Variants in PIP5K1A observed in about 807,000 individuals in gnomAD.
PIP5K1A encodes phosphatidylinositol-4-phosphate 5-kinase type 1 alpha, also known as phosphatidylinositol 4-phosphate 5-kinase type-1 alpha.
Under a neutral mutation model 72.9 loss-of-function variants are expected in PIP5K1A, and 46 were observed. The ratio of observed to expected loss-of-function variants is 0.63; its 90% CI spans 0.50 to 0.81. The LOEUF is 0.81. Ranked by LOEUF, PIP5K1A falls within the 30% of genes least tolerant of loss-of-function variation. The probability of loss-of-function intolerance (pLI) is 0.00; values close to 1 mark genes in which losing one functional copy is unlikely to be tolerated. For synonymous variants in PIP5K1A, 228 were observed against 255.1 expected (o/e 0.89, Z 1.01); for missense variants, 458 against 706.1 (o/e 0.65, Z 3.98).
chr1:151,227,696 A>G (rs966023412), intron 4 of PIP5K1A, among the ~76,000 whole-genome samples: 2 of 152,204 alleles, frequency 1.3e-5, no homozygotes, highest in South Asian at 2.1e-4. Flanking sequence ...TTCAAGACCA[A>G]CCTGGCCAAC....
chr1:151,234,463 C>G lies in PIP5K1A; in HGVS notation c.906C>G (p.Asn302Lys). ...DGLFLDADMY[N>K]ALCKTLQRDC... ...TTTTTTTGGATGCTGACATGTACAA[C>G]GCTCTCTGTAAGACCCTGCAGCGTG... The change falls in exon 8 of 16, where the codon AAC becomes AAG. Residue 302 changes from asparagine to lysine, a missense_variant. Asn to Lys is a moderately conservative substitution (Grantham distance 94). This residue lies in a region of PIP5K1A where 220 missense variants were observed against 442.6 expected (regional missense o/e 0.50). Coordinates refer to ENST00000368888, the MANE Select transcript of PIP5K1A (RefSeq NM_001135638.2). The G allele has an allele frequency of 1.2e-6, 2 of 1,614,050 alleles. No individual in the cohort carries two copies. Among genetic ancestry groups the G allele is most frequent in the East Asian group, 2.2e-5 (1 of 44,892 alleles).
In PIP5K1A at chr1:151,220,781, G is replaced by C. The variant is rs1688303146; in HGVS notation, c.86-3464G>C. Among the ~76,000 whole-genome samples the C allele has an allele frequency of 2.0e-5, 3 of 152,124 alleles. No individual in the cohort carries two copies. The South Asian group carries it at 6.2e-4, about 32-fold the overall frequency. ...TTTACCTGGCCTATCACCTAGCTTT[G>C]ATAACAGCATTTTGCCAATCTTGCA... is the stretch of plus-strand genomic sequence containing the variant. On this transcript the variant is annotated intron_variant, in intron 1 of 15. Transcript: ENST00000368888.
At chr1:151,238,054 G>T in intron 9 of PIP5K1A, 128 bp from the exon 10 acceptor site, 3 of 610,540 alleles carry the variant, frequency 4.9e-6, no homozygotes, top group Non-Finnish European at 8.9e-6. Flanking sequence ...TTGTTTTCTT[G>T]ATCACTTATT....
At chr1:151,212,598 C>T (rs587699112) in intron 1 of PIP5K1A, among the ~76,000 whole-genome samples, 3 of 151,048 alleles carry the variant, frequency 2.0e-5, no homozygotes, top group East Asian at 3.9e-4. Context: ...TTTTTTGAGA[C>T]GGAGTCTCGC....
At chr1:151,198,545 G>C (rs894579689), upstream of PIP5K1A, 3 of 199,372 alleles carry the variant, frequency 1.5e-5, no homozygotes, top group African/African-American at 4.7e-5. Context: ...CGCATGCGCA[G>C]TGCTCGGATT....
chr1:151,240,080 T>G (rs1691475771), intron 12 of PIP5K1A, 41 bp downstream of exon 12: 1 of 1,414,042 alleles, frequency 7.1e-7, no homozygotes, highest in Non-Finnish European at 1.0e-6. Flanking sequence ...TCCTGCCCAG[T>G]GGCTCCCTTA....
intron 1 of PIP5K1A, among the ~76,000 whole-genome samples, chr1:151,210,857 G>T (rs1686702566): frequency 6.6e-6 from 1 of 152,142 alleles, no homozygotes; most frequent in Non-Finnish European, 1.5e-5. Context: ...AAAGTGCTGG[G>T]ATTACAGTCA....
chr1:151,231,922 C>A, intron 5 of PIP5K1A, 121 bp downstream of exon 5: 1 of 897,694 alleles, frequency 1.1e-6, no homozygotes, highest in Non-Finnish European at 1.8e-6. Context: ...AACCTGGTTA[C>A]AATCAGGGCG....
chr1:151,220,260 T>G (rs1405611817), intron 1 of PIP5K1A, among the ~76,000 whole-genome samples: 1 of 152,044 alleles, frequency 6.6e-6, no homozygotes, highest in East Asian at 1.9e-4. Context: ...CACCTTGGCC[T>G]CCCCAAGTGC....
chr1:151,204,187 T>TA (rs1685606636), intron 1 of PIP5K1A, among the ~76,000 whole-genome samples: 1 of 152,134 alleles, frequency 6.6e-6, no homozygotes, highest in Non-Finnish European at 1.5e-5. Context: ...TATATATATA[T>TA]TTTTTTGAGA....
intron 7 of PIP5K1A, 42 bp downstream of exon 7, chr1:151,232,745 C>G: frequency 6.4e-7 from 1 of 1,558,654 alleles, no homozygotes; most frequent in Non-Finnish European, 8.8e-7. Flanking sequence ...CTGCTCACTT[C>G]TGGGCAAGGC....
rs753797418 is a variant in PIP5K1A, at chr1:151,232,545, C to T, written c.487-6C>T. 6.3e-7 allele frequency: 1 copy of T among 1,595,310 alleles called. No individual in the cohort carries two copies. Among genetic ancestry groups the T allele is most frequent in the Non-Finnish European group, 8.5e-7 (1 of 1,172,580 alleles). On this transcript the variant is annotated splice_polypyrimidine_tract_variant and splice_region_variant and intron_variant, in intron 6 of 15. Transcript: ENST00000368888. ...AAATCTCTTAGTTCTTCTCTGTTTG[C>T]CCCAGTATTCCCTCTGCAGTGAGCC...
chr1:151,211,186 G>A (rs1558244506), intron 1 of PIP5K1A, among the ~76,000 whole-genome samples: 1 of 152,166 alleles, frequency 6.6e-6, no homozygotes, highest in Non-Finnish European at 1.5e-5. Context: ...CTAGAGTGAG[G>A]AGAACTCATT....
At chr1:151,241,967 T>C (rs1458203439) in intron 12 of PIP5K1A, 156 bp from the exon 13 acceptor site, 3 of 709,490 alleles carry the variant, frequency 4.2e-6, no homozygotes, top group Admixed American at 2.2e-5. Flanking sequence ...GTTCTCTGAA[T>C]AGTAATTCAT....
At chr1:151,240,179 T>C in intron 12 of PIP5K1A, 140 bp downstream of exon 12, 1 of 673,002 alleles carries the variant, frequency 1.5e-6, no homozygotes. Context: ...TGAGAGCCAT[T>C]TCTTGTCCTT....
chr1:151,198,596 A>G lies in PIP5K1A; in HGVS notation c.-401A>G, dbSNP rs1164747603. On this transcript the variant is annotated 5_prime_UTR_variant, in exon 1 of 16. Transcript: ENST00000368888. The stretch of plus-strand genomic sequence containing the variant: ...CGGAGTGAAGCGGCCGGGTTGGGCG[A>G]TTAACAGGCCGTGGTTAGGAAGGAC... 4.8e-6 allele frequency: 1 copy of G among 209,398 alleles called. No individual in the cohort carries two copies. The highest frequency in any genetic ancestry group is 9.8e-6 in the Non-Finnish European group (1 of 102,226). 13.0% of individuals were successfully genotyped at this position (209,398 alleles called of 1,614,324 possible). A position where few individuals can be genotyped will look rare whatever the true frequency, so the allele number is the denominator to read the frequency against.
At chr1:151,199,627 AAG>A (rs1491282588) in intron 1 of PIP5K1A, among the ~76,000 whole-genome samples, 7 of 151,824 alleles carry the variant, frequency 4.6e-5, no homozygotes, top group African/African-American at 1.7e-4. Flanking sequence ...AAAAAAAAAA[AAG>A]AAGTTGCGGT....
rs1688799530 is a variant in PIP5K1A at position 151,224,268 on chromosome 1, A to G, written c.109A>G (p.Met37Val). ...SSAASGIKRP[M>V]ASEVLEARQD... ...AGCAGCATCTGGAATCAAGAGACCC[A>G]TGGCATCTGAGGTGAGTTTCATACT... Residue 37 changes from methionine to valine, a missense_variant, in exon 2 of 16, where the codon ATG becomes GTG. Coordinates refer to ENST00000368888, the MANE Select transcript of PIP5K1A (RefSeq NM_001135638.2). The G allele has an allele frequency of 1.2e-6, 2 of 1,613,500 alleles. No homozygotes were observed. Among genetic ancestry groups the G allele is most frequent in the Non-Finnish European group, 1.7e-6 (2 of 1,179,526 alleles).
intron 1 of PIP5K1A, 76 bp downstream of exon 1, chr1:151,199,157 C>G (rs1292123105): frequency 1.2e-6 from 2 of 1,607,382 alleles, no homozygotes; most frequent in South Asian, 2.2e-5. Context: ...TAAGAGGGTA[C>G]CTGTAGCTGG....
Sources: allele counts gnomAD v4.1 joint callset (sites outside exome capture counted in the v4.1 genomes callset), GRCh38; gene constraint gnomAD v4.1.1; regional missense constraint gnomAD v4.1.1; transcripts MANE v1.5; gene names NCBI Gene and HGNC (gene_info 2026-07-23, HGNC 2026-07-21).